Variants in ARHGAP8 observed in about 807,000 individuals in gnomAD.
The protein encoded by ARHGAP8 is rho GTPase-activating protein 8.
In ARHGAP8, 62 loss-of-function variants were observed where a neutral mutation model predicts 46.1. That is an observed-to-expected ratio of 1.34 (90% CI 1.10 to 1.66). The LOEUF (loss-of-function observed/expected upper bound fraction) is 1.66, where lower values mean the gene tolerates loss of function less well. ARHGAP8 is among the 40% of genes most tolerant of loss of function. The pLI is 0.00. For synonymous variants in ARHGAP8, 375 were observed against 243.1 expected, an observed-to-expected ratio of 1.54 and a Z score of -5.05; for missense variants, 923 against 568.4, an observed-to-expected ratio of 1.62 and a Z score of -6.34.
intron 1 of ARHGAP8, among the ~76,000 whole-genome samples, chr22:44,756,516 G>T (rs1569129254): frequency 6.6e-6 from 1 of 151,748 alleles, no homozygotes; most frequent in Non-Finnish European, 1.5e-5. Flanking sequence ...ACAATGAGCC[G>T]CCATCTCCCA....
rs979228272 is a variant in ARHGAP8 at position 44,780,334 on chromosome 22, G to C, written c.-71-6123G>C. ...ATTGCGCCACTGCACTCCAGCCTGG[G>C]CTACAGAGCAAGATCCTATCTCTTA... On this transcript the variant is annotated intron_variant, in intron 1 of 11. Transcript: ENST00000356099. Among the ~76,000 whole-genome samples the C allele has an allele frequency of 4.6e-5, 7 of 152,084 alleles. No homozygotes were observed. The South Asian group carries it at 1.5e-3, about 32-fold the overall frequency.
At chr22:44,808,512 G>T in intron 4 of ARHGAP8, 74 bp downstream of exon 4, 1 of 1,576,060 alleles carries the variant, frequency 6.3e-7, no homozygotes, top group South Asian at 1.2e-5. Context: ...GGCCACAAGG[G>T]GTCGCAGAGT....
At chr22:44,860,967 CAT>C (rs1213182403) in intron 11 of ARHGAP8, among the ~76,000 whole-genome samples, 1 of 150,122 alleles carries the variant, frequency 6.7e-6, no homozygotes, top group Non-Finnish European at 1.5e-5. Flanking sequence ...TGTTGCTTGA[CAT>C]AATTTCTCAG....
intron 2 of ARHGAP8, among the ~76,000 whole-genome samples, chr22:44,798,610 C>A (rs1203650938): frequency 1.3e-5 from 2 of 151,924 alleles, no homozygotes; most frequent in Non-Finnish European, 2.9e-5. Flanking sequence ...GCCCCACAGC[C>A]CCTTCCCTGA....
At chr22:44,769,823 C>T (rs1335470400) in intron 1 of ARHGAP8, among the ~76,000 whole-genome samples, 2 of 152,200 alleles carry the variant, frequency 1.3e-5, no homozygotes, top group Admixed American at 1.3e-4. Flanking sequence ...CCAGCCCACA[C>T]AGGAGAACTG....
chr22:44,771,324 G>A (rs1423042668), intron 1 of ARHGAP8, among the ~76,000 whole-genome samples: 3 of 137,362 alleles, frequency 2.2e-5, no homozygotes, highest in African/African-American at 8.2e-5. Context: ...TCGGCTCACT[G>A]CAACCTCTGG....
At chr22:44,775,365 T>G (rs1313708335) in intron 1 of ARHGAP8, among the ~76,000 whole-genome samples, 1 of 152,162 alleles carries the variant, frequency 6.6e-6, no homozygotes, top group East Asian at 1.9e-4. Flanking sequence ...TCCTGGGTGG[T>G]AGCTTGGCCA....
chr22:44,838,086 G>T (rs980103579), intron 7 of ARHGAP8, among the ~76,000 whole-genome samples: 1 of 151,992 alleles, frequency 6.6e-6, no homozygotes, highest in Non-Finnish European at 1.5e-5. Context: ...TGATTCTTCT[G>T]CCTCAGCATC....
chr22:44,822,417 C>G lies in ARHGAP8; in HGVS notation c.433C>G (p.Leu145Val). The G allele has an allele frequency of 6.3e-7, 1 of 1,581,212 alleles. No homozygotes were observed. Among genetic ancestry groups the G allele is most frequent in the Non-Finnish European group, 8.6e-7 (1 of 1,169,582 alleles). ...CATCTATTTCAACTACCTGAGTGAG[C>G]TCCACGAACACCTTAAATACGACCA... ...KVIYFNYLSE[L>V]HEHLKYDQLV... The change falls in exon 6 of 12, where the codon CTC becomes GTC. Residue 145 changes from leucine to valine, a missense_variant. Coordinates refer to ENST00000356099, the MANE Select transcript of ARHGAP8 (RefSeq NM_181335.3).
chr22:44,758,723 G>C (rs1481553706), intron 1 of ARHGAP8, among the ~76,000 whole-genome samples: 2 of 152,110 alleles, frequency 1.3e-5, no homozygotes, highest in African/African-American at 4.8e-5. Context: ...CAGTGGGGTG[G>C]GAGTGAATGA....
intron 7 of ARHGAP8, among the ~76,000 whole-genome samples, chr22:44,835,142 T>C (rs1931195360): frequency 6.6e-6 from 1 of 152,074 alleles, no homozygotes; most frequent in African/African-American, 2.4e-5. Context: ...TCTATATGTC[T>C]TTTTTGTTCC....
At chr22:44,790,290 T>C (rs1019173017) in intron 2 of ARHGAP8, among the ~76,000 whole-genome samples, 1 of 151,834 alleles carries the variant, frequency 6.6e-6, no homozygotes, top group African/African-American at 2.4e-5. Context: ...GTCCAGCTGG[T>C]GGCCTAGCTG....
At chr22:44,779,607 G>C (rs941845420) in intron 1 of ARHGAP8, among the ~76,000 whole-genome samples, 1 of 134,486 alleles carries the variant, frequency 7.4e-6, no homozygotes, top group African/African-American at 2.8e-5. Flanking sequence ...TGTCACCCAG[G>C]CTGGAGTGCA....
At chr22:44,755,007 C>A (rs1924556020) in intron 1 of ARHGAP8, among the ~76,000 whole-genome samples, 1 of 152,208 alleles carries the variant, frequency 6.6e-6, no homozygotes, top group Admixed American at 6.5e-5. Flanking sequence ...GCCTCCTCAT[C>A]TGCAAAAGGA....
chr22:44,859,799 G>A lies in ARHGAP8; in HGVS notation c.946G>A (p.Val316Ile), dbSNP rs147192731. 1.2e-3 allele frequency: 1,992 copies of A among 1,613,934 alleles called. 3 individuals are homozygous for A. The highest frequency in any genetic ancestry group is 1.6e-3 in the Non-Finnish European group (1,840 of 1,180,026). ...ILRSLPEHNY[V>I]VLRYLMGFLH... Reference sequence around the variant, plus strand: ...ACGGAGCCTCCCAGAGCACAACTACGTCGTCCTCCGCTACCTCATGGGCTT... The same window carrying A: ...ACGGAGCCTCCCAGAGCACAACTACATCGTCCTCCGCTACCTCATGGGCTT... The change falls in exon 11 of 12, where the codon GTC (valine) becomes ATC (isoleucine). Residue 316 changes from valine (V) to isoleucine (I), a missense_variant. By Grantham distance (29) the Val-to-Ile change is conservative. Transcript: ENST00000356099.
At chr22:44,785,836 C>T (rs1427954515) in intron 1 of ARHGAP8, among the ~76,000 whole-genome samples, 1 of 152,152 alleles carries the variant, frequency 6.6e-6, no homozygotes, top group Non-Finnish European at 1.5e-5. Flanking sequence ...CAGTGCCTGC[C>T]CTCAACCCCA....
At chr22:44,839,574 G>A (rs936877619) in intron 7 of ARHGAP8, among the ~76,000 whole-genome samples, 2 of 152,164 alleles carry the variant, frequency 1.3e-5, no homozygotes, top group African/African-American at 2.4e-5. Flanking sequence ...AACCCAGGCC[G>A]GGCTTGCCTC....
At chr22:44,846,823 C>G (rs1357916679) in intron 8 of ARHGAP8, among the ~76,000 whole-genome samples, 4 of 152,134 alleles carry the variant, frequency 2.6e-5, no homozygotes, top group East Asian at 1.9e-4. Flanking sequence ...GAGAGCTGCC[C>G]AGATGCTGAC....
intron 2 of ARHGAP8, among the ~76,000 whole-genome samples, chr22:44,797,722 C>A (rs537947536): frequency 2.9e-4 from 44 of 152,286 alleles, no homozygotes; most frequent in Non-Finnish European, 1.3e-4. Context: ...GCAGCCAGGG[C>A]GGGGACATCA....
Sources: allele counts gnomAD v4.1 joint callset (sites outside exome capture counted in the v4.1 genomes callset), GRCh38; gene constraint gnomAD v4.1.1; transcripts MANE v1.5; gene names NCBI Gene and HGNC (gene_info 2026-07-23, HGNC 2026-07-21).